Variants in GPHN observed in about 807,000 individuals in gnomAD.
GPHN encodes gephyrin.
GPHN carries 17 observed loss-of-function variants against 95.5 expected under a neutral mutation model. That is an observed-to-expected ratio of 0.18 (90% CI 0.12 to 0.27). The LOEUF (loss-of-function observed/expected upper bound fraction) is 0.27. Ranked by LOEUF, GPHN falls within the 10% of genes least tolerant of loss-of-function variation. The pLI is 1.00. For synonymous variants in GPHN, 320 were observed against 322.5 expected (o/e 0.99, Z 0.08); for missense variants, 660 against 978.1 (o/e 0.67, Z 4.34).
the GPHN span, among the ~76,000 whole-genome samples, chr14:67,268,427 C>A: frequency 6.6e-6 from 1 of 152,094 alleles, no homozygotes. Flanking sequence ...AAAATGAAAG[C>A]AAGTTTATGA....
At chr14:67,573,294 G>C in the GPHN span, 1 of 1,612,748 alleles carries the variant, frequency 6.2e-7, no homozygotes. The surrounding 1 kb of genome is among the most constrained non-coding windows in gnomAD (Gnocchi z 4.8). Context: ...GGAGAAGTCG[G>C]GCTACCTGCT....
chr14:66,852,403 GCGTGTT>G (rs1472601249), intron 4 of GPHN, among the ~76,000 whole-genome samples: 1 of 152,224 alleles, frequency 6.6e-6, no homozygotes, highest in African/African-American at 2.4e-5. Context: ...GTGCGCGTGC[GCGTGTT>G]CACCTGTGCA....
At chr14:67,410,410 C>T in the GPHN span, among the ~76,000 whole-genome samples, 8 of 152,160 alleles carry the variant, frequency 5.3e-5, no homozygotes, top group Admixed American at 2.6e-4. Flanking sequence ...CCTCCCAAGC[C>T]GCAGTTAAAT....
At chr14:67,027,440 C>G (rs936742895) in intron 10 of GPHN, among the ~76,000 whole-genome samples, 1 of 152,128 alleles carries the variant, frequency 6.6e-6, no homozygotes, top group African/African-American at 2.4e-5. Context: ...AAGTGATTCT[C>G]CTGCCTCAGC....
At chr14:67,509,162 G>C in the GPHN span, among the ~76,000 whole-genome samples, 1 of 152,144 alleles carries the variant, frequency 6.6e-6, no homozygotes, top group Non-Finnish European at 1.5e-5. Context: ...CAAGCAGAAA[G>C]CGTGTTCCCT....
At chr14:67,618,864 C>G in the GPHN span, among the ~76,000 whole-genome samples, 1 of 152,152 alleles carries the variant, frequency 6.6e-6, no homozygotes, top group Admixed American at 6.5e-5. Flanking sequence ...ACTAAAACTC[C>G]TTTGGAGTTA....
At chr14:67,342,202 AAATAAAT>A in the GPHN span, among the ~76,000 whole-genome samples, 5 of 149,260 alleles carry the variant, frequency 3.3e-5, no homozygotes, top group Non-Finnish European at 5.9e-5. Context: ...ATAAATAAAT[AAATAAAT>A]AAATAAAATA....
intron 11 of GPHN, among the ~76,000 whole-genome samples, chr14:67,070,715 A>AAAAAAAAAAAAAATATATATATAT: frequency 1.9e-4 from 15 of 80,682 alleles, no homozygotes; most frequent in East Asian, 4.5e-4. Context: ...AAAAAAAAAA[A>AAAAAAAAAAAAAATATATATATAT]ATATATATAT....
the GPHN span, chr14:67,722,358 C>G: frequency 1.9e-6 from 1 of 530,726 alleles, no homozygotes; most frequent in Non-Finnish European, 3.4e-6. Flanking sequence ...CTTTAGTTTC[C>G]CCACATTCTC....
intron 5 of GPHN, among the ~76,000 whole-genome samples, chr14:66,909,484 A>G (rs2065561575): frequency 6.6e-6 from 1 of 152,068 alleles, no homozygotes; most frequent in African/African-American, 2.4e-5. Flanking sequence ...ATCAGGATAA[A>G]GATGGATTTA....
chr14:67,011,573 C>CAAAA lies in GPHN; in HGVS notation c.964-12040_964-12037dup, dbSNP rs201978777. On this transcript the variant is annotated intron_variant, in intron 9 of 22. Transcript: ENST00000478722. ...TGGACAGTAGAGTGAGACCTTGCCT[C>CAAAA]AAAAAAAAAAAAAAAAAAAAAAAGA... is the stretch of plus-strand genomic sequence containing the variant. Among the ~76,000 whole-genome samples, 40 of 62,952 alleles carry CAAAA rather than the reference C, an allele frequency of 6.4e-4. 1 individual carries two copies. Among genetic ancestry groups the CAAAA allele is most frequent in the East Asian group, 1.4e-3 (3 of 2,200 alleles). The allele number at this position is 62,952 out of a possible 152,430, so 41.3% of individuals were successfully genotyped here. A position where few individuals can be genotyped will look rare whatever the true frequency, so the allele number is the denominator to read the frequency against.
intron 11 of GPHN, among the ~76,000 whole-genome samples, chr14:67,060,360 G>A (rs1285957187): frequency 6.6e-6 from 1 of 151,994 alleles, no homozygotes; most frequent in Admixed American, 6.5e-5. Flanking sequence ...TTCATAGATG[G>A]ATAACTTTTT....
chr14:66,989,068 C>G (rs926179916), intron 9 of GPHN, among the ~76,000 whole-genome samples: 1 of 151,894 alleles, frequency 6.6e-6, no homozygotes, highest in Non-Finnish European at 1.5e-5. Context: ...TATTGAAATA[C>G]AAAGTGATTT....
chr14:67,570,889 A>C, the GPHN span: 2 of 152,034 alleles, frequency 1.3e-5, no homozygotes, highest in African/African-American at 4.8e-5. Context: ...ATGCCCAGCT[A>C]ATTTTTGTAT....
At chr14:67,193,090 A>ATCTCTATATATCTCTATATAGATATC in the GPHN span, among the ~76,000 whole-genome samples, 6 of 144,044 alleles carry the variant, frequency 4.2e-5, no homozygotes, top group Admixed American at 1.4e-4. Flanking sequence ...ATCTATCTAT[A>ATCTCTATATATCTCTATATAGATATC]TCTCTATATA....
chr14:67,563,018 G>A, the GPHN span: 1 of 988,302 alleles, frequency 1.0e-6, no homozygotes, highest in Non-Finnish European at 1.5e-6. Context: ...GCCCTGGCAG[G>A]CAGGTACCAT....
chr14:67,093,893 T>G (rs2077238620), intron 12 of GPHN, among the ~76,000 whole-genome samples: 1 of 152,128 alleles, frequency 6.6e-6, no homozygotes, highest in African/African-American at 2.4e-5. Context: ...AGTATGCATA[T>G]AAATACTATT....
chr14:67,201,698 T>TG, the GPHN span: 4 of 357,550 alleles, frequency 1.1e-5, no homozygotes, highest in African/African-American at 2.1e-5. Flanking sequence ...GCCATGATAT[T>TG]GGACAAAACC....
At chr14:67,185,757 A>C (rs1465828934), downstream of GPHN, among the ~76,000 whole-genome samples, 1 of 152,194 alleles carries the variant, frequency 6.6e-6, no homozygotes, top group Non-Finnish European at 1.5e-5. Flanking sequence ...TTCATATTTA[A>C]AATTATTTGC....
Sources: gnomAD v4.1 joint callset for allele counts (sites outside exome capture counted in the v4.1 genomes callset) on GRCh38, gnomAD v4.1.1 for gene constraint, Gnocchi (gnomAD v3.1) non-coding constraint, MANE v1.5 for transcripts, NCBI Gene and HGNC (gene_info 2026-07-23, HGNC 2026-07-21) for gene names.